The following CCDC141 variants were observed in gnomAD, a reference collection of about 807,000 sequenced individuals.
CCDC141 encodes coiled-coil domain-containing protein 141.
A neutral mutation model predicts 181.0 loss-of-function variants in CCDC141; 168 were observed. That is an observed-to-expected ratio of 0.93 (90% CI 0.82 to 1.05). CCDC141 has a LOEUF of 1.05. Ranked by LOEUF, CCDC141 falls within the 50% of genes least tolerant of loss-of-function variation. The pLI is 0.00. For synonymous variants in CCDC141, 666 were observed against 642.3 expected, an observed-to-expected ratio of 1.04 and a Z score of -0.56; for missense variants, 1,902 against 1,788.5, an observed-to-expected ratio of 1.06 and a Z score of -1.14.
At chr2:179,013,684 T>C (rs150869681) in intron 2 of CCDC141, among the ~76,000 whole-genome samples, 17 of 152,104 alleles carry the variant, frequency 1.1e-4, no homozygotes, top group African/African-American at 3.9e-4. Flanking sequence ...AGAATAAATC[T>C]AGACAGGGCG....
At chr2:178,947,377 A>G (rs1198670766) in intron 5 of CCDC141, among the ~76,000 whole-genome samples, 1 of 152,220 alleles carries the variant, frequency 6.6e-6, no homozygotes, top group African/African-American at 2.4e-5. Flanking sequence ...AGATGTACAA[A>G]GGAAGGAAAA....
Position 178,961,326 on chromosome 2 carries a change from T to G in CCDC141, c.684A>C (p.Gln228His), listed in dbSNP as rs1383985734. 17 of 1,550,598 alleles carry G rather than the reference T, an allele frequency of 1.1e-5. No individual in the cohort carries two copies. The highest frequency in any genetic ancestry group is 1.5e-5 in the Non-Finnish European group (17 of 1,146,946). The part of the protein sequence containing the change: ...LKVDRLLELL[Q>H]DRRRQLDKYL... The stretch of plus-strand genomic sequence containing the variant: ...ACTTGTCTAGTTGTCTTCTCCTGTC[T>G]TGTAGAAGTTCAAGAAGGCGGTCAA... The change falls in exon 5 of 24, where the codon CAA (glutamine) becomes CAC (histidine). Residue 228 changes from glutamine (Q) to histidine (H), a missense_variant. By Grantham distance (24) the Gln-to-His change is conservative. Transcript: ENST00000443758.
chr2:178,918,786 TC>T lies in CCDC141; in HGVS notation c.1018del (p.Glu340AsnfsTer13), dbSNP rs1463358278. The T allele has an allele frequency of 6.4e-7, 1 of 1,550,600 alleles. No homozygotes were observed. The highest frequency in any genetic ancestry group is 8.7e-7 in the Non-Finnish European group (1 of 1,146,990). ...SHQKLSQLQE[E>X]FGQLMVERNT... The stretch of plus-strand genomic sequence containing the variant: ...CCTTTCCACCATGAGTTGACCAAAT[TC>T]TTCTTGAAGCTGACTGAGTTTCTGG... On this transcript the variant is annotated frameshift_variant, in exon 7 of 24. Coordinates refer to ENST00000443758, the MANE Select transcript of CCDC141 (RefSeq NM_173648.4). LOFTEE classifies it high-confidence loss of function.
At chr2:178,884,476 CA>C (rs1686782018) in intron 11 of CCDC141, among the ~76,000 whole-genome samples, 1 of 152,044 alleles carries the variant, frequency 6.6e-6, no homozygotes, top group Admixed American at 6.6e-5. Context: ...ACTTTTTCCC[CA>C]TGTAAAAATG....
chr2:178,990,310 T>G, intron 2 of CCDC141, among the ~76,000 whole-genome samples: 1 of 150,700 alleles, frequency 6.6e-6, no homozygotes, highest in East Asian at 1.9e-4. Context: ...AATTACCATA[T>G]GACCAAGAAA....
intron 23 of CCDC141, among the ~76,000 whole-genome samples, chr2:178,835,046 T>C (rs1684422836): frequency 6.6e-6 from 1 of 152,176 alleles, no homozygotes; most frequent in African/African-American, 2.4e-5. Flanking sequence ...TTGGTCACAC[T>C]AGGCCACCAT....
chr2:178,923,582 G>C (rs970314354), intron 6 of CCDC141, among the ~76,000 whole-genome samples: 1 of 152,116 alleles, frequency 6.6e-6, no homozygotes, highest in Admixed American at 6.5e-5. Context: ...CAGGGTCTCA[G>C]TCACTTTGCA....
At chr2:178,888,839 C>A (rs904653954) in intron 8 of CCDC141, among the ~76,000 whole-genome samples, 171 bp from the exon 9 acceptor site, 15 of 152,142 alleles carry the variant, frequency 9.9e-5, no homozygotes, top group African/African-American at 3.4e-4. Flanking sequence ...AAATTATATT[C>A]TTTTGTTTTG....
chr2:178,989,744 G>T (rs916178906), intron 2 of CCDC141, among the ~76,000 whole-genome samples: 1 of 144,480 alleles, frequency 6.9e-6, no homozygotes, highest in Non-Finnish European at 1.5e-5. Context: ...TGCACACAAA[G>T]ATGCTCAAAT....
At chr2:178,986,671 C>T (rs1691759840) in intron 2 of CCDC141, among the ~76,000 whole-genome samples, 2 of 151,602 alleles carry the variant, frequency 1.3e-5, no homozygotes, top group Middle Eastern at 3.4e-3. Context: ...TATACACCAA[C>T]AACAGACAAA....
chr2:178,986,414 G>C (rs1295608321), intron 2 of CCDC141, among the ~76,000 whole-genome samples: 5 of 152,178 alleles, frequency 3.3e-5, no homozygotes, highest in Non-Finnish European at 7.3e-5. Context: ...CACAAGACAG[G>C]GATGCCCTCT....
chr2:178,857,235 T>G (rs538848738), intron 17 of CCDC141, among the ~76,000 whole-genome samples: 16 of 152,302 alleles, frequency 1.1e-4, no homozygotes, highest in South Asian at 2.1e-4. Flanking sequence ...CTATCCATGT[T>G]GAAGAGGTCA....
intron 5 of CCDC141, among the ~76,000 whole-genome samples, chr2:178,956,826 A>C (rs918953273): frequency 3.3e-5 from 5 of 152,222 alleles, no homozygotes; most frequent in African/African-American, 1.2e-4. Flanking sequence ...AGACCTTGAC[A>C]TGTATAACAA....
intron 2 of CCDC141, among the ~76,000 whole-genome samples, chr2:178,979,625 A>G (rs1691277323): frequency 6.6e-6 from 1 of 152,176 alleles, no homozygotes; most frequent in Non-Finnish European, 1.5e-5. Context: ...TTTTGAAAAT[A>G]AAGAGATGAG....
At chr2:178,912,397 T>G (rs1336305944) in intron 7 of CCDC141, among the ~76,000 whole-genome samples, 2 of 152,244 alleles carry the variant, frequency 1.3e-5, no homozygotes, top group South Asian at 2.1e-4. Context: ...CTATTAGATA[T>G]GAACTGAGTT....
chr2:179,050,052 C>A lies in CCDC141; in HGVS notation c.-111G>T. ...GGATTCATTCAGGGAAAGAGCTCAG[C>A]TCACACTGATTACTCTGCCAAAAGG... On this transcript the variant is annotated 5_prime_UTR_variant, in exon 1 of 24. Transcript: ENST00000443758. 6.7e-7 allele frequency: 1 copy of A among 1,481,548 alleles called. No individual in the cohort carries two copies. 91.8% of individuals were successfully genotyped at this position (1,481,548 alleles called of 1,614,324 possible).
At chr2:179,013,466 G>T (rs1488592194) in intron 2 of CCDC141, among the ~76,000 whole-genome samples, 1 of 152,066 alleles carries the variant, frequency 6.6e-6, no homozygotes. Context: ...AATAATAGAT[G>T]ACATGAACAA....
intron 6 of CCDC141, among the ~76,000 whole-genome samples, chr2:178,930,015 T>C (rs1257174237): frequency 2.0e-5 from 3 of 152,022 alleles, no homozygotes; most frequent in African/African-American, 7.2e-5. Flanking sequence ...ACAAAGAATA[T>C]AGAAGGGGAA....
At chr2:178,894,819 A>C (rs1434357342) in intron 8 of CCDC141, among the ~76,000 whole-genome samples, 2 of 152,136 alleles carry the variant, frequency 1.3e-5, no homozygotes, top group Non-Finnish European at 2.9e-5. Context: ...GAGAAAAAAA[A>C]GGTAATAGCA....
Sources: gnomAD v4.1 joint callset for allele counts (sites outside exome capture counted in the v4.1 genomes callset) on GRCh38, gnomAD v4.1.1 for gene constraint, MANE v1.5 for transcripts, NCBI Gene and HGNC (gene_info 2026-07-23, HGNC 2026-07-21) for gene names.